Variants in GIGYF2 observed in about 807,000 individuals in gnomAD.
GIGYF2 encodes GRB10-interacting GYF protein 2.
Under a neutral mutation model 208.1 loss-of-function variants are expected in GIGYF2, and 25 were observed. The ratio of observed to expected loss-of-function variants is 0.12; its 90% CI spans 0.09 to 0.17. The LOEUF is 0.17. Among genes scored for constraint, GIGYF2 ranks in the 10% least tolerant of loss-of-function variants. The pLI is 1.00. For missense variants in GIGYF2, 1,302 were observed against 1,579.4 expected (o/e 0.82, Z 2.98); for synonymous variants, 534 against 543.8 (o/e 0.98, Z 0.25).
intron 9 of GIGYF2, among the ~76,000 whole-genome samples, chr2:232,789,772 C>G (rs1301719890): frequency 6.6e-6 from 1 of 152,002 alleles, no homozygotes; most frequent in Non-Finnish European, 1.5e-5. Context: ...AGGTTAAAGC[C>G]TGCTTTTCTT....
At chr2:232,704,161 C>T (rs1695978268) in intron 2 of GIGYF2, among the ~76,000 whole-genome samples, 1 of 151,998 alleles carries the variant, frequency 6.6e-6, no homozygotes, top group South Asian at 2.1e-4. Flanking sequence ...CTGAAAGGTC[C>T]CACTCCTAAT....
chr2:232,762,272 C>T lies in GIGYF2; in HGVS notation c.532+836C>T, dbSNP rs1328691763. On this transcript the variant is annotated intron_variant, in intron 8 of 28. Transcript: ENST00000373563. ...TTTGTTTTTTTTTGAGACAGAGTCT[C>T]AGAGGCTGGAGACTCTGTCACCCAG... Among the ~76,000 whole-genome samples the T allele has an allele frequency of 2.8e-5, 4 of 141,300 alleles. No homozygotes were observed. In the East Asian group the frequency reaches 8.3e-4, roughly 29 times the overall value. 92.7% of individuals were successfully genotyped at this position (141,300 alleles called of 152,430 possible).
In GIGYF2 at chr2:232,709,666, G is replaced by A. The variant is rs189539190; in HGVS notation, c.-44+6177G>A. Among the ~76,000 whole-genome samples, 960 of 152,040 alleles carry A rather than the reference G, an allele frequency of 6.3e-3. 9 individuals carry two copies. Among genetic ancestry groups the A allele is most frequent in the Non-Finnish European group, 0.011 (751 of 67,970 alleles). On this transcript the variant is annotated intron_variant, in intron 2 of 28. Transcript: ENST00000373563. Reference sequence around the variant, plus strand: ...TCTACTAAAAATATAAAAATTAGCCGGGTGTGGTGGTGCGGGCCTATAATC... The same window carrying A: ...TCTACTAAAAATATAAAAATTAGCCAGGTGTGGTGGTGCGGGCCTATAATC...
At chr2:232,825,957 TG>T (rs1193522868) in intron 21 of GIGYF2, among the ~76,000 whole-genome samples, 1 of 151,870 alleles carries the variant, frequency 6.6e-6, no homozygotes, top group East Asian at 1.9e-4. Context: ...ATGTGGTGTT[TG>T]GTTTTCTGTC....
chr2:232,735,125 A>G (rs1697679502), intron 2 of GIGYF2, 30 bp from the exon 3 acceptor site: 2 of 967,156 alleles, frequency 2.1e-6, no homozygotes, highest in Middle Eastern at 2.1e-4. Flanking sequence ...ATCTCAACTA[A>G]TAGTATGGAG....
intron 6 of GIGYF2, 114 bp downstream of exon 6, chr2:232,756,448 C>A: frequency 1.7e-6 from 1 of 591,446 alleles, no homozygotes; most frequent in Non-Finnish European, 3.0e-6. Context: ...ACATTAACTG[C>A]ATACTAAATG....
chr2:232,746,181 A>C (rs1698143114), intron 3 of GIGYF2, among the ~76,000 whole-genome samples: 1 of 152,000 alleles, frequency 6.6e-6, no homozygotes, highest in Non-Finnish European at 1.5e-5. Context: ...ATAAGTAAAA[A>C]AAAAAAATCC....
intron 2 of GIGYF2, among the ~76,000 whole-genome samples, chr2:232,721,169 A>G (rs1291288110): frequency 6.6e-6 from 1 of 152,112 alleles, no homozygotes; most frequent in Non-Finnish European, 1.5e-5. Flanking sequence ...TCTTTCAGAG[A>G]TGTGAGGACA....
chr2:232,759,094 TAA>T (rs1471072316), intron 6 of GIGYF2, among the ~76,000 whole-genome samples: 64 of 152,288 alleles, frequency 4.2e-4, no homozygotes, highest in African/African-American at 1.5e-3. Context: ...ACCCACAAAA[TAA>T]TTTGGTGCAT....
At chr2:232,714,358 C>T (rs1482569549) in intron 2 of GIGYF2, among the ~76,000 whole-genome samples, 1 of 152,098 alleles carries the variant, frequency 6.6e-6, no homozygotes, top group East Asian at 1.9e-4. Context: ...TAATGTTCTT[C>T]AGTTTTAAGT....
chr2:232,735,838 C>T (rs1167769967), intron 3 of GIGYF2: 2 of 985,170 alleles, frequency 2.0e-6, no homozygotes, highest in Admixed American at 1.2e-4. Flanking sequence ...TTCCCCCCCT[C>T]CCCTCCTTCC....
chr2:232,765,724 T>C (rs1414505772), intron 8 of GIGYF2: 1 of 301,338 alleles, frequency 3.3e-6, no homozygotes, highest in African/African-American at 2.2e-5. Context: ...CAATACAAAT[T>C]AGTGTATTTT....
At chr2:232,788,555 G>A (rs370160234) in intron 9 of GIGYF2, 8 of 470,982 alleles carry the variant, frequency 1.7e-5, no homozygotes, top group African/African-American at 2.0e-5. Context: ...TGGGCTGAGA[G>A]AGAAAAGAAA....
rs1229416675 is a variant in GIGYF2, at chr2:232,858,094, C to G, written c.*1234C>G. 1 of 192,376 alleles carries G rather than the reference C, an allele frequency of 5.2e-6. No individual in the cohort carries two copies. The highest frequency in any genetic ancestry group is 1.1e-5 in the Non-Finnish European group (1 of 94,522). The allele number at this position is 192,376 out of a possible 1,614,324, so 11.9% of individuals were successfully genotyped here. On this transcript the variant is annotated 3_prime_UTR_variant, in exon 29 of 29. Coordinates refer to ENST00000373563, the MANE Select transcript of GIGYF2 (RefSeq NM_001103146.3). ...CTTAAACTTCAAGTAGAAATGTACT[C>G]AAGCCCTATTTATAAACAAATACTT...
chr2:232,743,569 C>A (rs1205418760), intron 3 of GIGYF2, among the ~76,000 whole-genome samples: 2 of 152,144 alleles, frequency 1.3e-5, no homozygotes, highest in Non-Finnish European at 2.9e-5. Context: ...TCCTGCCTTC[C>A]ACCCCCAAGT....
At chr2:232,848,287 C>G (rs1222330759) in intron 27 of GIGYF2, among the ~76,000 whole-genome samples, 1 of 152,176 alleles carries the variant, frequency 6.6e-6, no homozygotes, top group African/African-American at 2.4e-5. Flanking sequence ...TAAGGCACCT[C>G]ACAGCCTTCC....
intron 2 of GIGYF2, among the ~76,000 whole-genome samples, chr2:232,724,207 A>ATTTTTTTTTTTTT (rs1163865821): frequency 1.1e-3 from 120 of 114,172 alleles, no homozygotes; most frequent in East Asian, 1.7e-3. Flanking sequence ...ACACCTGGCT[A>ATTTTTTTTTTTTT]TTTTTTTTTT....
chr2:232,784,832 T>C (rs1304226521), intron 8 of GIGYF2, among the ~76,000 whole-genome samples: 3 of 152,182 alleles, frequency 2.0e-5, no homozygotes, highest in Non-Finnish European at 4.4e-5. Flanking sequence ...TGATCGCCAG[T>C]GTTGGAGGTG....
chr2:232,801,332 C>T (rs1338049680), intron 14 of GIGYF2, among the ~76,000 whole-genome samples: 1 of 152,028 alleles, frequency 6.6e-6, no homozygotes, highest in Admixed American at 6.6e-5. Flanking sequence ...AGTTCGAGAC[C>T]AGCCTGGGCA....
Sources: gnomAD v4.1 joint callset for allele counts (sites outside exome capture counted in the v4.1 genomes callset) on GRCh38, gnomAD v4.1.1 for gene constraint, MANE v1.5 for transcripts, NCBI Gene and HGNC (gene_info 2026-07-23, HGNC 2026-07-21) for gene names.